EEA1: variants seen among roughly 807,000 people sequenced by gnomAD.
EEA1 encodes early endosome antigen 1.
Under a neutral mutation model 209.2 loss-of-function variants are expected in EEA1, and 111 were observed. The ratio of observed to expected loss-of-function variants is 0.53; its 90% CI spans 0.45 to 0.62. The LOEUF (loss-of-function observed/expected upper bound fraction) is 0.62. Among genes scored for constraint, EEA1 ranks in the 20% least tolerant of loss-of-function variants. The pLI is 0.00. For synonymous variants in EEA1, 536 were observed against 540.6 expected (o/e 0.99, Z 0.12); for missense variants, 1,343 against 1,530.8 (o/e 0.88, Z 2.05).
At position 92,851,354 on chromosome 12, in the gene EEA1, A is replaced by G. The variant is rs573042680; in HGVS notation, c.643-88T>C. The G allele has an allele frequency of 3.4e-5, 43 of 1,282,526 alleles. No individual in the cohort carries two copies. In the African/African-American group the frequency reaches 5.8e-4, roughly 17 times the overall value. 79.4% of individuals were successfully genotyped at this position (1,282,526 alleles called of 1,614,324 possible). A position where few individuals can be genotyped will look rare whatever the true frequency, so the allele number is the denominator to read the frequency against. On this transcript the variant is annotated intron_variant, in intron 8 of 28. Transcript: ENST00000322349. ...GAATCATTTCACTACAAAGGAATCA[A>G]AAGGGAAACAATCATCAATATCAAT...
intron 2 of EEA1, among the ~76,000 whole-genome samples, chr12:92,891,205 G>T (rs1879643427): frequency 6.6e-6 from 1 of 151,720 alleles, no homozygotes; most frequent in Admixed American, 6.6e-5. Context: ...TTAATATAAT[G>T]TCTTTAATAT....
chr12:92,838,116 A>AT (rs1877009485), intron 10 of EEA1, among the ~76,000 whole-genome samples: 1 of 152,240 alleles, frequency 6.6e-6, no homozygotes, highest in South Asian at 2.1e-4. Flanking sequence ...AGAAGGTCTT[A>AT]TTATTCCCTA....
intron 1 of EEA1, among the ~76,000 whole-genome samples, chr12:92,908,674 A>C (rs909889798): frequency 1.3e-5 from 2 of 152,202 alleles, no homozygotes; most frequent in African/African-American, 2.4e-5. Context: ...TCATATTGTT[A>C]ATTTTAAAGC....
At chr12:92,777,735 T>C (rs757321737) in intron 26 of EEA1, 72 bp from the exon 27 acceptor site, 30 of 1,439,868 alleles carry the variant, frequency 2.1e-5, no homozygotes, top group Non-Finnish European at 2.6e-5. Flanking sequence ...GTATAGATAA[T>C]GGACTACTTT....
chr12:92,911,105 C>A (rs756839530), intron 1 of EEA1, among the ~76,000 whole-genome samples: 4 of 152,212 alleles, frequency 2.6e-5, no homozygotes, highest in Non-Finnish European at 4.4e-5. Context: ...CATACTCTTA[C>A]TATACAATTC....
intron 23 of EEA1, among the ~76,000 whole-genome samples, chr12:92,781,740 G>C (rs1422664373): frequency 6.6e-6 from 1 of 151,774 alleles, no homozygotes; most frequent in Admixed American, 6.6e-5. Flanking sequence ...AGAGCAGTAA[G>C]AAAAAAGGGT....
chr12:92,845,690 G>A (rs1432426105), intron 9 of EEA1, among the ~76,000 whole-genome samples: 4 of 151,848 alleles, frequency 2.6e-5, no homozygotes, highest in African/African-American at 4.8e-5. Flanking sequence ...TTTCTTCCTC[G>A]CAGCCCTTAT....
At chr12:92,919,116 C>A (rs1467580371) in intron 1 of EEA1, among the ~76,000 whole-genome samples, 2 of 151,472 alleles carry the variant, frequency 1.3e-5, no homozygotes, top group Non-Finnish European at 3.0e-5. Flanking sequence ...AGCTTACCAA[C>A]CAAAAAGGGT....
intron 2 of EEA1, among the ~76,000 whole-genome samples, chr12:92,889,562 AC>A (rs1879575116): frequency 6.6e-6 from 1 of 151,532 alleles, no homozygotes; most frequent in African/African-American, 2.4e-5. Context: ...CCAAAAAAAA[AC>A]CCCCACCTAA....
chr12:92,881,345 G>C (rs570510758), intron 2 of EEA1, among the ~76,000 whole-genome samples: 3 of 152,158 alleles, frequency 2.0e-5, no homozygotes, highest in South Asian at 2.1e-4. Flanking sequence ...ACTTGAGCCC[G>C]GGAGATCGAG....
intron 12 of EEA1, 64 bp downstream of exon 12, chr12:92,827,848 T>C: frequency 7.2e-7 from 1 of 1,396,100 alleles, no homozygotes; most frequent in South Asian, 1.9e-5. Flanking sequence ...ATTAACAGAT[T>C]GATGAATCAT....
intron 2 of EEA1, among the ~76,000 whole-genome samples, chr12:92,882,896 T>C (rs185985865): frequency 2.6e-5 from 4 of 152,332 alleles, no homozygotes; most frequent in African/African-American, 9.6e-5. Flanking sequence ...AATGCGCATG[T>C]CTTTTTGGTA....
intron 5 of EEA1, among the ~76,000 whole-genome samples, chr12:92,854,317 C>A (rs757934479): frequency 6.6e-6 from 1 of 152,096 alleles, no homozygotes; most frequent in Non-Finnish European, 1.5e-5. Context: ...AACATTCAAT[C>A]GTATTAGTAT....
At chr12:92,842,637 A>G in intron 9 of EEA1, 56 bp from the exon 10 acceptor site, 1 of 1,079,982 alleles carries the variant, frequency 9.3e-7, no homozygotes, top group East Asian at 2.6e-5. Flanking sequence ...TAAAAGATAA[A>G]AAAAATGAAA....
At chr12:92,898,287 CT>C (rs1187486010) in intron 1 of EEA1, among the ~76,000 whole-genome samples, 6 of 151,982 alleles carry the variant, frequency 3.9e-5, no homozygotes, top group Non-Finnish European at 7.4e-5. Flanking sequence ...GATCTTGAAC[CT>C]TTTTTAAAGT....
intron 1 of EEA1, among the ~76,000 whole-genome samples, chr12:92,897,238 T>C (rs1043148797): frequency 5.3e-5 from 8 of 152,202 alleles, no homozygotes; most frequent in Non-Finnish European, 1.2e-4. Context: ...AGATGGGAAA[T>C]TGGCTATCCA....
intron 17 of EEA1, 64 bp from the exon 18 acceptor site, chr12:92,809,220 A>C: frequency 8.0e-7 from 1 of 1,253,682 alleles, no homozygotes; most frequent in Non-Finnish European, 1.1e-6. Context: ...ATTATTAAAT[A>C]CTATAACATT....
At chr12:92,848,442 G>C (rs948790520) in intron 9 of EEA1, among the ~76,000 whole-genome samples, 2 of 151,818 alleles carry the variant, frequency 1.3e-5, no homozygotes, top group Non-Finnish European at 2.9e-5. Context: ...AAGCAACATA[G>C]CAAGACCCCA....
intron 10 of EEA1, among the ~76,000 whole-genome samples, chr12:92,837,084 G>A (rs1295975457): frequency 6.7e-6 from 1 of 148,224 alleles, no homozygotes; most frequent in African/African-American, 2.5e-5. Context: ...TCGCACCACT[G>A]CACTCCAGCC....
Sources: allele counts gnomAD v4.1 joint callset (sites outside exome capture counted in the v4.1 genomes callset), GRCh38; gene constraint gnomAD v4.1.1; transcripts MANE v1.5; gene names NCBI Gene and HGNC (gene_info 2026-07-23, HGNC 2026-07-21).